EDNRA: variants seen among roughly 807,000 people sequenced by gnomAD.
EDNRA encodes endothelin receptor type A.
EDNRA carries 11 observed loss-of-function variants against 41.4 expected under a neutral mutation model. That is an observed-to-expected ratio of 0.27 (90% CI 0.17 to 0.44). The LOEUF (loss-of-function observed/expected upper bound fraction) is 0.44, where lower values mean the gene tolerates loss of function less well. Ranked by LOEUF, EDNRA falls within the 20% of genes least tolerant of loss-of-function variation. The probability of loss-of-function intolerance (pLI) is 1.00; values close to 1 mark genes in which losing one functional copy is unlikely to be tolerated. For synonymous variants in EDNRA, 172 were observed against 183.0 expected (o/e 0.94, Z 0.49); for missense variants, 294 against 531.0 (o/e 0.55, Z 4.39).
chr4:147,506,654 T>C, intron 2 of EDNRA: 1 of 317,236 alleles, frequency 3.2e-6, no homozygotes, highest in South Asian at 4.2e-5. Flanking sequence ...ACCTGTGGTA[T>C]ACCTGAGGGA....
Position 147,542,711 on chromosome 4 carries a change from C to A in EDNRA, c.*93C>A. 6.7e-7 allele frequency: 1 copy of A among 1,498,478 alleles called. No homozygotes were observed. Among genetic ancestry groups the A allele is most frequent in the Non-Finnish European group, 9.0e-7 (1 of 1,113,890 alleles). The allele number at this position is 1,498,478 out of a possible 1,614,324, so 92.8% of individuals were successfully genotyped here. A position where few individuals can be genotyped will look rare whatever the true frequency, so the allele number is the denominator to read the frequency against. On this transcript the variant is annotated 3_prime_UTR_variant, in exon 8 of 8. Transcript: ENST00000651419. ...GAGTCCGGGAATCTCTTCTCTGATC[C>A]TTCTTCCTTAATTCACTCCCACACC... is the stretch of plus-strand genomic sequence containing the variant.
At chr4:147,529,821 G>C (rs914378369) in intron 3 of EDNRA, among the ~76,000 whole-genome samples, 7 of 152,134 alleles carry the variant, frequency 4.6e-5, no homozygotes, top group Admixed American at 2.0e-4. Context: ...AGTGTTTCAT[G>C]GTTTCCATAC....
intron 3 of EDNRA, among the ~76,000 whole-genome samples, chr4:147,524,680 A>T (rs1185113855): frequency 6.6e-6 from 1 of 152,172 alleles, no homozygotes; most frequent in Non-Finnish European, 1.5e-5. Context: ...CCTTGAAAAT[A>T]AACTAATCAT....
At chr4:147,500,081 G>A (rs757253326) in intron 2 of EDNRA, among the ~76,000 whole-genome samples, 3 of 151,938 alleles carry the variant, frequency 2.0e-5, no homozygotes, top group South Asian at 2.1e-4. Context: ...CTGGGATTAC[G>A]AGTGTGAGCC....
At chr4:147,490,577 TATTTAC>T (rs1426486634) in intron 2 of EDNRA, 1 of 152,194 alleles carries the variant, frequency 6.6e-6, no homozygotes, top group Non-Finnish European at 1.5e-5. Flanking sequence ...GTACATAGGA[TATTTAC>T]ATTTGTTAGA....
At chr4:147,541,861 A>G (rs1731114946) in intron 7 of EDNRA, among the ~76,000 whole-genome samples, 1 of 152,212 alleles carries the variant, frequency 6.6e-6, no homozygotes, top group African/African-American at 2.4e-5. Context: ...CTTACTCATT[A>G]ATTTACATAT....
chr4:147,515,061 G>A (rs978172405), intron 2 of EDNRA, among the ~76,000 whole-genome samples: 1 of 152,220 alleles, frequency 6.6e-6, no homozygotes, highest in Non-Finnish European at 1.5e-5. Flanking sequence ...CTTGGGAGCT[G>A]CTGCTCCACA....
At chr4:147,537,714 C>T (rs571833595) in intron 5 of EDNRA, among the ~76,000 whole-genome samples, 1 of 152,218 alleles carries the variant, frequency 6.6e-6, no homozygotes, top group African/African-American at 2.4e-5. Flanking sequence ...CCTCCAAGCA[C>T]CCTCTGAGAT....
At chr4:147,538,456 G>A (rs1426833553) in intron 5 of EDNRA, among the ~76,000 whole-genome samples, 3 of 152,202 alleles carry the variant, frequency 2.0e-5, no homozygotes, top group Non-Finnish European at 2.9e-5. Flanking sequence ...ACAGGAGAAT[G>A]GATATTGGTT....
intron 2 of EDNRA, chr4:147,496,205 A>C (rs1337056305): frequency 5.3e-5 from 8 of 152,254 alleles, no homozygotes; most frequent in Non-Finnish European, 1.2e-4. Flanking sequence ...CTGTACAAAA[A>C]AAAATCTCTA....
chr4:147,526,881 GT>G (rs1298729198), intron 3 of EDNRA, among the ~76,000 whole-genome samples: 11 of 152,316 alleles, frequency 7.2e-5, no homozygotes, highest in Admixed American at 3.3e-4. Flanking sequence ...GGGAGTACAG[GT>G]TCTGGAGGCT....
chr4:147,523,220 G>A (rs758246046), intron 3 of EDNRA, among the ~76,000 whole-genome samples: 12 of 152,318 alleles, frequency 7.9e-5, no homozygotes, highest in Non-Finnish European at 1.8e-4. Context: ...CAGACTCTTA[G>A]TTAAATCTCT....
rs1338541870 is a variant in EDNRA, at chr4:147,486,414, T to C, written c.420+313T>C. 3.9e-5 allele frequency among the ~76,000 whole-genome samples: 6 copies of C among 152,144 alleles called. No homozygotes were observed. The South Asian group carries it at 1.0e-3, about 26-fold the overall frequency. Reference sequence around the variant, plus strand: ...GGATAGGCTGTCTTGGCAAGATCCCTGGATTTTTATGAAATGCAATTTCCA... The same window carrying C: ...GGATAGGCTGTCTTGGCAAGATCCCCGGATTTTTATGAAATGCAATTTCCA... On this transcript the variant is annotated intron_variant, in intron 2 of 7. Transcript: ENST00000651419. The surrounding 1 kb of genome is among the most constrained non-coding windows in gnomAD (Gnocchi z 4.3).
At chr4:147,528,973 A>C (rs1309643824) in intron 3 of EDNRA, among the ~76,000 whole-genome samples, 1 of 152,218 alleles carries the variant, frequency 6.6e-6, no homozygotes, top group Non-Finnish European at 1.5e-5. Flanking sequence ...TAACAGCCTC[A>C]CTCCAGTTGC....
chr4:147,497,497 T>A (rs1195886499), intron 2 of EDNRA, among the ~76,000 whole-genome samples: 1 of 152,130 alleles, frequency 6.6e-6, no homozygotes, highest in Non-Finnish European at 1.5e-5. Flanking sequence ...GTTGCTGACG[T>A]TCTATTTGAG....
Position 147,532,605 on chromosome 4 carries a change from G to T in EDNRA, c.648G>T (p.Leu216=). ...IVSIWILSFI[L]AIPEAIGFVM... is the part of the protein sequence containing the mutation. ...CCATCTGGATCCTGTCCTTTATCCT[G>T]GCCATTCCTGAAGCGATTGGCTTCG... Residue 216 remains leucine, a synonymous_variant, in exon 4 of 8, where the codon CTG becomes CTT. Transcript: ENST00000651419. 2.5e-6 allele frequency: 4 copies of T among 1,613,972 alleles called. No individual in the cohort carries two copies. Among genetic ancestry groups the T allele is most frequent in the Non-Finnish European group, 3.4e-6 (4 of 1,179,988 alleles).
Position 147,485,939 on chromosome 4 carries a change from A to G in EDNRA, c.258A>G (p.Ile86Met), listed in dbSNP as rs201438230. 1.2e-6 allele frequency: 2 copies of G among 1,614,130 alleles called. No homozygotes were observed. The highest frequency in any genetic ancestry group is 8.5e-7 in the Non-Finnish European group (1 of 1,180,042). Residue 86 changes from isoleucine to methionine, a missense_variant, in exon 2 of 8, where the codon ATA (isoleucine) becomes ATG (methionine). Physicochemically the swap from Ile to Met is conservative, Grantham distance 10 (BLOSUM62 1). Transcript: ENST00000651419. ...TSAFKYINTVISCTIFIVGMV... is the reference protein window; with the variant it reads ...TSAFKYINTVMSCTIFIVGMV... ...CTTTCAAATACATTAACACTGTGAT[A>G]TCTTGTACTATTTTCATCGTGGGAA...
At chr4:147,484,904 AC>A (rs1357708289) in intron 1 of EDNRA, among the ~76,000 whole-genome samples, 7 of 152,244 alleles carry the variant, frequency 4.6e-5, no homozygotes, top group Admixed American at 1.3e-4. Context: ...AATGGTGTTA[AC>A]CAGAGTTCTC....
intron 2 of EDNRA, among the ~76,000 whole-genome samples, chr4:147,504,738 T>G (rs931595099): frequency 2.6e-5 from 4 of 151,962 alleles, no homozygotes; most frequent in Non-Finnish European, 5.9e-5. Flanking sequence ...CAGATTACTT[T>G]GAGCTCAGGA....
Sources: allele counts gnomAD v4.1 joint callset (sites outside exome capture counted in the v4.1 genomes callset), GRCh38; gene constraint gnomAD v4.1.1; non-coding constraint Gnocchi (gnomAD v3.1); transcripts MANE v1.5; gene names NCBI Gene and HGNC (gene_info 2026-07-23, HGNC 2026-07-21).